POFUT2: variants seen among roughly 807,000 people sequenced by gnomAD.
POFUT2 encodes GDP-fucose protein O-fucosyltransferase 2.
A neutral mutation model predicts 55.0 loss-of-function variants in POFUT2; 30 were observed. The ratio of observed to expected loss-of-function variants is 0.55; its 90% CI spans 0.41 to 0.74. The LOEUF is 0.74. Ranked by LOEUF, POFUT2 falls within the 30% of genes least tolerant of loss-of-function variation. The pLI is 0.00. For missense variants in POFUT2, 524 were observed against 562.6 expected, an observed-to-expected ratio of 0.93 and a Z score of 0.69; for synonymous variants, 267 against 231.1, an observed-to-expected ratio of 1.16 and a Z score of -1.41.
At position 45,278,091 on chromosome 21, in the gene POFUT2, G is replaced by C. The variant is rs1340892477; in HGVS notation, c.705+12C>G. 13 of 1,609,816 alleles carry C rather than the reference G, an allele frequency of 8.1e-6. No individual in the cohort carries two copies. Among genetic ancestry groups the C allele is most frequent in the Non-Finnish European group, 1.1e-5 (13 of 1,176,058 alleles). Reference sequence around the variant, plus strand: ...CACTAACTGAGAAAAACGCTCCCGAGGAAACACTCACATCCCAGTATTCTT... The same window carrying C: ...CACTAACTGAGAAAAACGCTCCCGACGAAACACTCACATCCCAGTATTCTT... On this transcript the variant is annotated intron_variant, in intron 5 of 8. Transcript: ENST00000349485.
At chr21:45,266,448 C>T (rs1025850195) in intron 8 of POFUT2, 12 of 1,146,782 alleles carry the variant, frequency 1.0e-5, no homozygotes, top group South Asian at 5.1e-5. Flanking sequence ...CCGAGCGCTT[C>T]GCGCAGCTGA....
At chr21:45,283,832 C>T (rs965526507) in intron 2 of POFUT2, among the ~76,000 whole-genome samples, 1 of 152,154 alleles carries the variant, frequency 6.6e-6, no homozygotes, top group Non-Finnish European at 1.5e-5. Context: ...CCGGCCCTCA[C>T]GCCGTGGTCC....
Position 45,285,905 on chromosome 21 carries a change from G to T in POFUT2, c.155C>A (p.Pro52His). Residue 52 changes from proline (P) to histidine (H), a missense_variant, in exon 2 of 9, where the codon CCC becomes CAC. By Grantham distance (77) the Pro-to-His change is moderately conservative. Around this residue, in one of 2 missense-constraint regions of POFUT2, gnomAD observed 274 missense variants for 244.4 expected, o/e 1.12. Coordinates refer to ENST00000349485, the MANE Select transcript of POFUT2 (RefSeq NM_133635.6). This position sits in a 1 kb window ranked among gnomAD's most constrained non-coding sequence, Gnocchi z 4.9. ...RRRYLLYDVN[P>H]PEGFNLRRDV... ...CCTGCGCAGGTTGAAGCCTTCCGGG[G>T]GGTTGACGTCATACAGAAGATACCT... The T allele has an allele frequency of 6.2e-7, 1 of 1,610,092 alleles. No homozygotes were observed. Among genetic ancestry groups the T allele is most frequent in the Non-Finnish European group, 8.5e-7 (1 of 1,178,380 alleles).
In POFUT2 at chr21:45,282,363, T is replaced by G. The variant is rs776842188; in HGVS notation, c.624A>C (p.Arg208Ser). ...SASIVAPLLL[R>S]NTSARSVMLD... ...GGGGCACTCACCGGGCTGATGTGTT[T>G]CTCAGCAGCAGGGGCGCCACGATGG... Residue 208 changes from arginine to serine, a missense_variant, in exon 4 of 9, where the codon AGA becomes AGC. Transcript: ENST00000349485. This position sits in a 1 kb window ranked among gnomAD's most constrained non-coding sequence, Gnocchi z 4.6. The G allele has an allele frequency of 6.2e-7, 1 of 1,610,894 alleles. No homozygotes were observed. Among genetic ancestry groups the G allele is most frequent in the South Asian group, 1.1e-5 (1 of 91,048 alleles).
At position 45,282,778 on chromosome 21, in the gene POFUT2, C is replaced by G. The variant is rs1170894570; in HGVS notation, c.528-319G>C. Reference sequence around the variant, plus strand: ...GCCTGGCTGTGACCGTCAGCCAAGTCAACCGCGCCCTTCCCAAGAGCTCAC... The same window carrying G: ...GCCTGGCTGTGACCGTCAGCCAAGTGAACCGCGCCCTTCCCAAGAGCTCAC... On this transcript the variant is annotated intron_variant, in intron 3 of 8. Transcript: ENST00000349485. The surrounding 1 kb of genome is among the most constrained non-coding windows in gnomAD (Gnocchi z 4.6). 2.0e-6 allele frequency: 1 copy of G among 512,472 alleles called. No homozygotes were observed. Among genetic ancestry groups the G allele is most frequent in the Non-Finnish European group, 3.9e-6 (1 of 256,272 alleles). 31.7% of individuals were successfully genotyped at this position (512,472 alleles called of 1,614,324 possible).
intron 1 of POFUT2, among the ~76,000 whole-genome samples, chr21:45,286,704 C>A (rs946133336): frequency 1.3e-5 from 2 of 152,178 alleles, no homozygotes; most frequent in African/African-American, 4.8e-5. Context: ...ACAGACAAGT[C>A]CCCAAGGGCT....
rs761760208 is a variant in POFUT2 at position 45,267,637 on chromosome 21, C to T, written c.1089G>A (p.Lys363=). Reference sequence around the variant, plus strand: ...GGTCAATAATCGCAACGCCTCCGTCCTTGTAGAGCTCCAGCTCCTCCCACG... The same window carrying T: ...GGTCAATAATCGCAACGCCTCCGTCTTTGTAGAGCTCCAGCTCCTCCCACG... ...EPTWEELELY[K]DGGVAIIDQW... The change falls in exon 8 of 9, where the codon AAG becomes AAA. Residue 363 remains lysine, a synonymous_variant. Coordinates refer to ENST00000349485, the MANE Select transcript of POFUT2 (RefSeq NM_133635.6). The surrounding 1 kb of genome is among the most constrained non-coding windows in gnomAD (Gnocchi z 4.4). The T allele has an allele frequency of 1.2e-6, 2 of 1,614,238 alleles. No individual in the cohort carries two copies. Among genetic ancestry groups the T allele is most frequent in the Non-Finnish European group, 1.7e-6 (2 of 1,180,050 alleles).
chr21:45,275,619 G>A (rs1003504901), intron 6 of POFUT2, among the ~76,000 whole-genome samples: 1 of 152,222 alleles, frequency 6.6e-6, no homozygotes, highest in African/African-American at 2.4e-5. Context: ...TGGAGCTGGA[G>A]ACCATTATTC....
chr21:45,267,157 C>A lies in POFUT2; in HGVS notation c.1136+433G>T, dbSNP rs191187084. The A allele has an allele frequency of 8.2e-4, 1,043 of 1,270,080 alleles. 3 individuals carry two copies. In the African/African-American group the frequency reaches 0.013, roughly 15 times the overall value. 78.7% of individuals were successfully genotyped at this position (1,270,080 alleles called of 1,614,324 possible). A position where few individuals can be genotyped will look rare whatever the true frequency, so the allele number is the denominator to read the frequency against. On this transcript the variant is annotated intron_variant, in intron 8 of 8. Transcript: ENST00000349485. This position sits in a 1 kb window ranked among gnomAD's most constrained non-coding sequence, Gnocchi z 4.4. The stretch of plus-strand genomic sequence containing the variant: ...CTTGGGGACGCTCATGGCAGCCCCA[C>A]GAGAATGATCACACGAGGGCCCACG...
At chr21:45,286,994 G>A (rs1320219446) in intron 1 of POFUT2, among the ~76,000 whole-genome samples, 1 of 152,162 alleles carries the variant, frequency 6.6e-6, no homozygotes, top group Non-Finnish European at 1.5e-5. Flanking sequence ...GTCACTTGCA[G>A]GGGCCTCCGG....
rs1328158702 is a variant in POFUT2, at chr21:45,277,289, C to T, written c.706-147G>A. 6.5e-6 allele frequency: 7 copies of T among 1,079,100 alleles called. No individual in the cohort carries two copies. The highest frequency in any genetic ancestry group is 9.1e-6 in the Non-Finnish European group (7 of 770,398). The allele number at this position is 1,079,100 out of a possible 1,614,324, so 66.8% of individuals were successfully genotyped here. A position where few individuals can be genotyped will look rare whatever the true frequency, so the allele number is the denominator to read the frequency against. ...TCATCCACGGTCGCCTGAGAAGCAG[C>T]GCCATCCACGGTGGAGGCTCTTGGA... On this transcript the variant is annotated intron_variant, in intron 5 of 8. Coordinates refer to ENST00000349485, the MANE Select transcript of POFUT2 (RefSeq NM_133635.6). This position sits in a 1 kb window ranked among gnomAD's most constrained non-coding sequence, Gnocchi z 6.9.
chr21:45,282,210 C>T lies in POFUT2; in HGVS notation c.638+139G>A. The stretch of plus-strand genomic sequence containing the variant: ...GCAAGCACTTCCCTAACCACCACCC[C>T]CCAGGGCCCCCAGGGTCCGCTGTCT... On this transcript the variant is annotated intron_variant, in intron 4 of 8. Transcript: ENST00000349485. This position sits in a 1 kb window ranked among gnomAD's most constrained non-coding sequence, Gnocchi z 4.6. 3.1e-6 allele frequency: 2 copies of T among 639,370 alleles called. No individual in the cohort carries two copies. Among genetic ancestry groups the T allele is most frequent in the Non-Finnish European group, 5.5e-6 (2 of 363,704 alleles). 39.6% of individuals were successfully genotyped at this position (639,370 alleles called of 1,614,324 possible).
intron 3 of POFUT2, 43 bp downstream of exon 3, chr21:45,283,340 G>T (rs1298542313): frequency 1.5e-6 from 2 of 1,352,578 alleles, no homozygotes; most frequent in Non-Finnish European, 2.0e-6. Flanking sequence ...GCAGGGGGAG[G>T]TGGGGGGGCA....
At position 45,280,718 on chromosome 21, in the gene POFUT2, G is replaced by A. The variant is rs190201399; in HGVS notation, c.638+1631C>T. ...GTTTCGTCTCAATTGCACGGATCCCGTCTTGGACTCGCCTCACCCCAGGCT... is the reference window on the plus strand; with the variant it reads ...GTTTCGTCTCAATTGCACGGATCCCATCTTGGACTCGCCTCACCCCAGGCT... On this transcript the variant is annotated intron_variant, in intron 4 of 8. Transcript: ENST00000349485. 8.6e-4 allele frequency among the ~76,000 whole-genome samples: 126 copies of A among 145,812 alleles called. No homozygotes were observed. In the Middle Eastern group the frequency reaches 0.014, roughly 17 times the overall value.
At position 45,276,810 on chromosome 21, in the gene POFUT2, CCT is replaced by C. The variant is rs974761561; in HGVS notation, c.831+205_831+206del. Among the ~76,000 whole-genome samples the C allele has an allele frequency of 5.3e-5, 8 of 152,276 alleles. 1 individual carries two copies. Among genetic ancestry groups the C allele is most frequent in the Middle Eastern group, 6.8e-3 (2 of 294 alleles). On this transcript the variant is annotated intron_variant, in intron 6 of 8. Transcript: ENST00000349485. ...AAGGTAAAGCCAGGCCGAGTGACTCCCTGAGTCTGCACATGACGAGGGCCCCA... is the reference window on the plus strand; with the variant it reads ...AAGGTAAAGCCAGGCCGAGTGACTCCGAGTCTGCACATGACGAGGGCCCCA...
intron 6 of POFUT2, among the ~76,000 whole-genome samples, chr21:45,275,581 G>A (rs577376129): frequency 2.0e-5 from 3 of 152,320 alleles, no homozygotes; most frequent in African/African-American, 4.8e-5. Context: ...AACAAGGAAC[G>A]AAATGAATGC....
intron 8 of POFUT2, chr21:45,266,387 G>A (rs1036900297): frequency 1.6e-6 from 2 of 1,212,316 alleles, no homozygotes; most frequent in Non-Finnish European, 2.1e-6. Flanking sequence ...ACAGGGGCCT[G>A]CCAGAGCAGG....
intron 3 of POFUT2, 124 bp downstream of exon 3, chr21:45,283,257 GGC>G: frequency 4.4e-6 from 2 of 459,182 alleles, no homozygotes; most frequent in African/African-American, 2.6e-5. Context: ...CTGCAGGGGG[GGC>G]GGGGGGCACC....
At chr21:45,266,732 T>C (rs1383811285) in intron 8 of POFUT2, 5 of 997,790 alleles carry the variant, frequency 5.0e-6, no homozygotes, top group Non-Finnish European at 6.0e-6. Context: ...CCACAGGAAA[T>C]AGCAGATGTG....
Sources: gnomAD v4.1 joint callset for allele counts (sites outside exome capture counted in the v4.1 genomes callset) on GRCh38, gnomAD v4.1.1 for gene constraint, gnomAD v4.1.1 regional missense constraint, Gnocchi (gnomAD v3.1) non-coding constraint, MANE v1.5 for transcripts, NCBI Gene and HGNC (gene_info 2026-07-23, HGNC 2026-07-21) for gene names.